Variants in EIF4G3 observed in about 807,000 individuals in gnomAD.
The protein encoded by EIF4G3 is eIF-4-gamma 3.
EIF4G3 carries 34 observed loss-of-function variants against 186.4 expected under a neutral mutation model. The observed-to-expected ratio is 0.18, with a 90% CI of 0.14 to 0.24. EIF4G3 has a LOEUF of 0.24. Ranked by LOEUF, EIF4G3 falls within the 10% of genes least tolerant of loss-of-function variation. EIF4G3 has a pLI of 1.00. For missense variants in EIF4G3, 1,536 were observed against 1,948.5 expected (o/e 0.79, Z 3.99); for synonymous variants, 673 against 679.5 (o/e 0.99, Z 0.15).
intron 14 of EIF4G3, among the ~76,000 whole-genome samples, 173 bp from the exon 15 acceptor site, chr1:20,905,144 A>G (rs1422922419): frequency 6.6e-6 from 1 of 152,246 alleles, no homozygotes; most frequent in African/African-American, 2.4e-5. Context: ...AGATTGCAAC[A>G]TCAAGTGTTG....
At chr1:20,894,273 A>G (rs1268002505) in intron 17 of EIF4G3, among the ~76,000 whole-genome samples, 2 of 152,196 alleles carry the variant, frequency 1.3e-5, no homozygotes, top group Non-Finnish European at 2.9e-5. Flanking sequence ...ATAAACAGAT[A>G]AGGCAGCAGG....
At chr1:20,815,731 A>C in intron 34 of EIF4G3, among the ~76,000 whole-genome samples, 1 of 130,864 alleles carries the variant, frequency 7.6e-6, no homozygotes, top group Non-Finnish European at 1.6e-5. Flanking sequence ...CCTACTGGGA[A>C]GTGAGGAGCC....
chr1:21,162,635 C>T (rs1460775229), intron 2 of EIF4G3, among the ~76,000 whole-genome samples: 1 of 152,032 alleles, frequency 6.6e-6, no homozygotes, highest in African/African-American at 2.4e-5. Flanking sequence ...GCCAGCTACT[C>T]TGTAGGCTGA....
chr1:20,847,827 A>T (rs2071678812), intron 29 of EIF4G3: 1 of 471,772 alleles, frequency 2.1e-6, no homozygotes, highest in East Asian at 6.9e-5. Flanking sequence ...TCATCATCAA[A>T]AACTTCCTTC....
intron 2 of EIF4G3, among the ~76,000 whole-genome samples, chr1:21,137,160 T>TC (rs1286946894): frequency 1.3e-5 from 2 of 151,506 alleles, no homozygotes; most frequent in African/African-American, 2.4e-5. Flanking sequence ...TTTTTTTTTT[T>TC]GGAGACTAGG....
At chr1:20,979,608 G>C (rs2077541582) in intron 10 of EIF4G3, among the ~76,000 whole-genome samples, 1 of 152,138 alleles carries the variant, frequency 6.6e-6, no homozygotes, top group East Asian at 1.9e-4. Flanking sequence ...TAAAAATCTA[G>C]GTAACAGTGA....
intron 2 of EIF4G3, among the ~76,000 whole-genome samples, chr1:21,114,163 CCTT>C (rs1325347000): frequency 6.9e-6 from 1 of 144,566 alleles, no homozygotes; most frequent in Non-Finnish European, 1.5e-5. Context: ...TTTTTTTTTT[CCTT>C]GAGACGAGTC....
chr1:20,895,025 C>T (rs1224930358), intron 17 of EIF4G3, among the ~76,000 whole-genome samples: 2 of 152,020 alleles, frequency 1.3e-5, no homozygotes, highest in Non-Finnish European at 2.9e-5. Flanking sequence ...CCATAATGAA[C>T]TTTTAGAACA....
chr1:20,860,126 T>C (rs2076006115), intron 24 of EIF4G3, among the ~76,000 whole-genome samples: 1 of 152,226 alleles, frequency 6.6e-6, no homozygotes, highest in Non-Finnish European at 1.5e-5. Context: ...GTCTCACCAA[T>C]TCTGAGTATA....
chr1:21,055,760 A>G (rs2154578045), intron 3 of EIF4G3, among the ~76,000 whole-genome samples: 2 of 152,222 alleles, frequency 1.3e-5, no homozygotes, highest in Middle Eastern at 6.8e-3. Context: ...AAAATGAAGT[A>G]ACACAACTGA....
At chr1:20,892,760 T>G in intron 18 of EIF4G3, 5 of 1,375,224 alleles carry the variant, frequency 3.6e-6, no homozygotes, top group Non-Finnish European at 4.0e-6. Context: ...ACATGATCAT[T>G]AGCTGAATGT....
intron 3 of EIF4G3, among the ~76,000 whole-genome samples, chr1:21,061,967 A>G (rs919101368): frequency 4.0e-5 from 6 of 151,724 alleles, no homozygotes; most frequent in Non-Finnish European, 5.9e-5. Context: ...GGCTGGTCTC[A>G]AATACCTGAC....
At chr1:21,054,204 T>C (rs1454881651) in intron 3 of EIF4G3, among the ~76,000 whole-genome samples, 3 of 151,824 alleles carry the variant, frequency 2.0e-5, no homozygotes, top group Non-Finnish European at 4.4e-5. Context: ...ATGTGCTGTG[T>C]CCACTCAGGG....
At chr1:20,828,778 T>G (rs926642406) in intron 31 of EIF4G3, among the ~76,000 whole-genome samples, 2 of 152,198 alleles carry the variant, frequency 1.3e-5, no homozygotes, top group African/African-American at 4.8e-5. Context: ...TACTATGGGG[T>G]AATGCAGTCT....
At chr1:20,958,803 C>G (rs1328009722) in intron 12 of EIF4G3, among the ~76,000 whole-genome samples, 1 of 151,982 alleles carries the variant, frequency 6.6e-6, no homozygotes, top group Non-Finnish European at 1.5e-5. Context: ...TTTACCACAG[C>G]TGCAAAAATA....
At position 21,003,039 on chromosome 1, in the gene EIF4G3, G is replaced by A. The variant is rs1190268333; in HGVS notation, c.-66-231C>T. Among the ~76,000 whole-genome samples the A allele has an allele frequency of 5.4e-5, 8 of 148,858 alleles. 1 individual carries two copies. Among genetic ancestry groups the A allele is most frequent in the South Asian group, 4.3e-4 (2 of 4,702 alleles). Reference sequence around the variant, plus strand: ...GAACTGGGGTCTTGCTCTGTCACCCGGGCTAGAGTGCAGTGGCACAATCAC... The same window carrying A: ...GAACTGGGGTCTTGCTCTGTCACCCAGGCTAGAGTGCAGTGGCACAATCAC... On this transcript the variant is annotated intron_variant, in intron 4 of 36. Coordinates refer to ENST00000602326, the MANE Select transcript of EIF4G3 (RefSeq NM_001391906.1).
At chr1:21,066,058 T>C (rs1005158264) in intron 3 of EIF4G3, among the ~76,000 whole-genome samples, 13 of 151,984 alleles carry the variant, frequency 8.6e-5, no homozygotes, top group African/African-American at 3.1e-4. Flanking sequence ...CTCAAGAGGC[T>C]GAAGTGGGAG....
chr1:21,174,812 T>C (rs1281304032), intron 2 of EIF4G3: 5 of 152,144 alleles, frequency 3.3e-5, no homozygotes, highest in African/African-American at 1.2e-4. Context: ...ATGAAATCAG[T>C]ACACACGTCA....
At chr1:21,022,075 C>T (rs1022582625) in intron 4 of EIF4G3, among the ~76,000 whole-genome samples, 1 of 152,182 alleles carries the variant, frequency 6.6e-6, no homozygotes, top group African/African-American at 2.4e-5. Context: ...TCAACGATGG[C>T]ACTAAGCACC....
Sources: allele counts gnomAD v4.1 joint callset (sites outside exome capture counted in the v4.1 genomes callset), GRCh38; gene constraint gnomAD v4.1.1; transcripts MANE v1.5; gene names NCBI Gene and HGNC (gene_info 2026-07-23, HGNC 2026-07-21).